KCNIP3: variants seen among roughly 807,000 people sequenced by gnomAD.
KCNIP3 encodes calsenilin.
A neutral mutation model predicts 35.0 loss-of-function variants in KCNIP3; 28 were observed. That is an observed-to-expected ratio of 0.80 (90% confidence interval 0.59 to 1.10). KCNIP3 has a LOEUF of 1.10. Ranked by LOEUF, KCNIP3 falls within the 50% of genes least tolerant of loss-of-function variation. The probability of loss-of-function intolerance (pLI) is 0.00; values close to 1 mark genes in which losing one functional copy is unlikely to be tolerated. For missense variants in KCNIP3, 295 were observed against 338.4 expected (o/e 0.87, Z 1.01); for synonymous variants, 134 against 133.8 (o/e 1.00, Z -0.01).
chr2:95,383,383 A>T, intron 8 of KCNIP3, 89 bp downstream of exon 8: 1 of 1,294,910 alleles, frequency 7.7e-7, no homozygotes, highest in Non-Finnish European at 1.1e-6. Context: ...CCCTCACCCC[A>T]GTCCCACCCC....
At chr2:95,371,519 G>A (rs61036526) in intron 2 of KCNIP3, among the ~76,000 whole-genome samples, 2 of 152,324 alleles carry the variant, frequency 1.3e-5, no homozygotes, top group East Asian at 3.9e-4. Flanking sequence ...CAATTATACA[G>A]TGTTCTATAA....
At chr2:95,328,554 AG>A (rs1309986233) in intron 2 of KCNIP3, among the ~76,000 whole-genome samples, 1 of 152,228 alleles carries the variant, frequency 6.6e-6, no homozygotes, top group African/African-American at 2.4e-5. Flanking sequence ...GTGCCTGCTT[AG>A]GTGCGTGTAC....
chr2:95,340,684 G>A (rs1234322898), intron 2 of KCNIP3, among the ~76,000 whole-genome samples: 1 of 152,188 alleles, frequency 6.6e-6, no homozygotes, highest in Non-Finnish European at 1.5e-5. Context: ...CGGAAGAGAC[G>A]GTTTCTTCTC....
Position 95,379,978 on chromosome 2 carries a change from G to A in KCNIP3, c.448-1618G>A, listed in dbSNP as rs550753493. On this transcript the variant is annotated intron_variant, in intron 5 of 8. Coordinates refer to ENST00000295225, the MANE Select transcript of KCNIP3 (RefSeq NM_013434.5). ...ATCTCTGCTTCCATTCTGGGAAATCGTCTTTCCTGATTGCTCCTACCCACT... is the reference window on the plus strand; with the variant it reads ...ATCTCTGCTTCCATTCTGGGAAATCATCTTTCCTGATTGCTCCTACCCACT... 3.0e-4 allele frequency among the ~76,000 whole-genome samples: 45 copies of A among 152,260 alleles called. No individual in the cohort carries two copies. In the South Asian group the frequency reaches 8.1e-3, roughly 27 times the overall value.
In KCNIP3 at chr2:95,376,921, G is replaced by A. The variant is rs528771436; in HGVS notation, c.447+1713G>A. Among the ~76,000 whole-genome samples, 67 of 152,334 alleles carry A rather than the reference G, an allele frequency of 4.4e-4. 1 individual carries two copies. The highest frequency in any genetic ancestry group is 9.1e-4 in the Admixed American group (14 of 15,306). ...TTCTGTATATTCTTAGAGACAAGAT[G>A]CATATTAGTTACAGTTTACTGATAT... On this transcript the variant is annotated intron_variant, in intron 5 of 8. Transcript: ENST00000295225. This position sits in a 1 kb window ranked among gnomAD's most constrained non-coding sequence, Gnocchi z 4.2.
At chr2:95,319,783 A>G (rs1573487101) in intron 2 of KCNIP3, among the ~76,000 whole-genome samples, 1 of 152,166 alleles carries the variant, frequency 6.6e-6, no homozygotes, top group East Asian at 1.9e-4. Context: ...TCTTGGGCTC[A>G]TGGTGCTCCC....
chr2:95,344,513 G>T (rs549986349), intron 2 of KCNIP3, among the ~76,000 whole-genome samples: 1 of 152,266 alleles, frequency 6.6e-6, no homozygotes, highest in Admixed American at 6.5e-5. Flanking sequence ...GGCACAGCCA[G>T]AGGATCGATG....
chr2:95,300,066 C>A (rs776585027), intron 1 of KCNIP3, among the ~76,000 whole-genome samples: 2 of 152,190 alleles, frequency 1.3e-5, no homozygotes, highest in African/African-American at 2.4e-5. Context: ...CGCAGCAAGT[C>A]CCTAGGGCTT....
chr2:95,329,857 C>A (rs1161214369), intron 2 of KCNIP3, among the ~76,000 whole-genome samples: 1 of 152,258 alleles, frequency 6.6e-6, no homozygotes, highest in Non-Finnish European at 1.5e-5. Context: ...AACAGCTCTT[C>A]CCTGCGCGTC....
At chr2:95,379,228 G>T (rs1680278620) in intron 5 of KCNIP3, among the ~76,000 whole-genome samples, 1 of 152,148 alleles carries the variant, frequency 6.6e-6, no homozygotes, top group South Asian at 2.1e-4. Flanking sequence ...TAAGGCCTTG[G>T]TTTACTCTGA....
At chr2:95,347,137 C>T (rs772447308) in intron 2 of KCNIP3, 28 of 1,600,082 alleles carry the variant, frequency 1.7e-5, no homozygotes, top group Admixed American at 3.4e-5. Flanking sequence ...CGCGTGGCCA[C>T]TTGCCCCTTC....
At chr2:95,354,776 G>A (rs1679615515) in intron 2 of KCNIP3, among the ~76,000 whole-genome samples, 1 of 152,226 alleles carries the variant, frequency 6.6e-6, no homozygotes, top group Non-Finnish European at 1.5e-5. Flanking sequence ...GATCCTTCCT[G>A]CTCGTTCTCT....
intron 2 of KCNIP3, among the ~76,000 whole-genome samples, chr2:95,325,409 A>G (rs1290831966): frequency 1.3e-5 from 2 of 152,198 alleles, no homozygotes; most frequent in African/African-American, 4.8e-5. Flanking sequence ...GAGGACAGTC[A>G]GGGGACGTCC....
intron 1 of KCNIP3, among the ~76,000 whole-genome samples, chr2:95,309,567 G>T (rs1678261024): frequency 6.6e-6 from 1 of 152,216 alleles, no homozygotes; most frequent in African/African-American, 2.4e-5. Flanking sequence ...GGGATTACAG[G>T]CACATGCCAC....
chr2:95,375,840 C>T (rs191575890), intron 5 of KCNIP3, among the ~76,000 whole-genome samples: 5 of 152,300 alleles, frequency 3.3e-5, no homozygotes, highest in Non-Finnish European at 7.3e-5. Context: ...AAAATAGCTG[C>T]AGGCGAAAAG....
intron 2 of KCNIP3, among the ~76,000 whole-genome samples, chr2:95,361,675 G>A (rs573796910): frequency 6.6e-6 from 1 of 152,272 alleles, no homozygotes; most frequent in South Asian, 2.1e-4. Flanking sequence ...GCTCTGCCTA[G>A]AGACATTAAA....
chr2:95,325,928 TACACATACACATACACACTC>T (rs1246000454), intron 2 of KCNIP3, among the ~76,000 whole-genome samples: 3 of 140,516 alleles, frequency 2.1e-5, no homozygotes, highest in African/African-American at 5.5e-5. Context: ...TACACACTCA[TACACATACACATACACACTC>T]ACACATACAC....
chr2:95,379,069 C>A (rs182716550), intron 5 of KCNIP3, among the ~76,000 whole-genome samples: 10 of 152,110 alleles, frequency 6.6e-5, no homozygotes, highest in African/African-American at 2.4e-4. Flanking sequence ...CTTTTCCACC[C>A]CCTGCCACAA....
intron 2 of KCNIP3, among the ~76,000 whole-genome samples, chr2:95,325,355 G>T (rs996387450): frequency 3.9e-5 from 6 of 152,146 alleles, no homozygotes; most frequent in Non-Finnish European, 8.8e-5. Flanking sequence ...AGGAGGGCGG[G>T]TGCGGAAACC....
Sources: gnomAD v4.1 joint callset for allele counts (sites outside exome capture counted in the v4.1 genomes callset) on GRCh38, gnomAD v4.1.1 for gene constraint, Gnocchi (gnomAD v3.1) non-coding constraint, MANE v1.5 for transcripts, NCBI Gene and HGNC (gene_info 2026-07-23, HGNC 2026-07-21) for gene names.